INSR: variants seen among roughly 807,000 people sequenced by gnomAD.
INSR encodes the protein insulin receptor.
A neutral mutation model predicts 142.6 loss-of-function variants in INSR; 67 were observed. The observed-to-expected ratio is 0.47, with a 90% confidence interval of 0.39 to 0.58. The LOEUF (loss-of-function observed/expected upper bound fraction) is 0.58, where lower values mean the gene tolerates loss of function less well. Ranked by LOEUF, INSR falls within the 20% of genes least tolerant of loss-of-function variation. The pLI, the probability that INSR is intolerant of heterozygous loss-of-function variation, is 0.00. For missense variants in INSR, 1,248 were observed against 1,833.2 expected (o/e 0.68, Z 5.83); for synonymous variants, 756 against 743.1 (o/e 1.02, Z -0.28).
intron 2 of INSR, among the ~76,000 whole-genome samples, chr19:7,198,224 C>T (rs1467788857): frequency 6.6e-6 from 1 of 151,370 alleles, no homozygotes; most frequent in East Asian, 1.9e-4. Flanking sequence ...CGCCCTCGCG[C>T]TCAGCCAATG....
rs1974621624 is a variant in INSR, at chr19:7,192,267, G to T, written c.653-7630C>A. Among the ~76,000 whole-genome samples the T allele has an allele frequency of 3.6e-5, 2 of 55,478 alleles. No homozygotes were observed. The highest frequency in any genetic ancestry group is 2.0e-4 in the Admixed American group (1 of 4,934). 36.4% of individuals were successfully genotyped at this position (55,478 alleles called of 152,430 possible). A position where few individuals can be genotyped will look rare whatever the true frequency, so the allele number is the denominator to read the frequency against. ...AGGGAGGGAAGAAAAGAAAAGAAAA[G>T]AAAAGAAAAGAAAAGAAAAGAAAAG... is the stretch of plus-strand genomic sequence containing the variant. On this transcript the variant is annotated intron_variant, in intron 2 of 21. Coordinates refer to ENST00000302850, the MANE Select transcript of INSR (RefSeq NM_000208.4). This position sits in a 1 kb window ranked among gnomAD's most constrained non-coding sequence, Gnocchi z 4.2.
chr19:7,276,922 G>T (rs1452949080), intron 1 of INSR, among the ~76,000 whole-genome samples: 2 of 152,050 alleles, frequency 1.3e-5, no homozygotes, highest in African/African-American at 4.8e-5. Flanking sequence ...GTAGAGACAG[G>T]GTTTTGCCAA....
At chr19:7,186,024 A>G (rs1010891063) in intron 2 of INSR, among the ~76,000 whole-genome samples, 1 of 150,980 alleles carries the variant, frequency 6.6e-6, no homozygotes, top group African/African-American at 2.4e-5. Context: ...GTGAAACCCC[A>G]TCTCTACTGA....
chr19:7,142,739 T>A (rs1360031583), intron 12 of INSR, 77 bp downstream of exon 12: 2 of 1,536,634 alleles, frequency 1.3e-6, no homozygotes, highest in African/African-American at 2.7e-5. Context: ...ATGCACTGCT[T>A]AGAGGGTGGA....
chr19:7,220,764 C>T (rs1013807434), intron 2 of INSR, among the ~76,000 whole-genome samples: 6 of 152,094 alleles, frequency 3.9e-5, no homozygotes, highest in Non-Finnish European at 5.9e-5. Flanking sequence ...TGCCACACAT[C>T]GGCAATTATT....
chr19:7,229,052 T>C (rs2145120558), intron 2 of INSR, among the ~76,000 whole-genome samples: 1 of 147,606 alleles, frequency 6.8e-6, no homozygotes, highest in East Asian at 2.1e-4. Flanking sequence ...AGTGGATGTA[T>C]GGATGGATGA....
chr19:7,146,726 A>G (rs918277530), intron 11 of INSR, among the ~76,000 whole-genome samples: 1 of 152,212 alleles, frequency 6.6e-6, no homozygotes, highest in African/African-American at 2.4e-5. Context: ...ATTATTTGAC[A>G]CATATCTTTT....
At chr19:7,269,419 ACACACACTTG>A (rs1289531448) in intron 1 of INSR, among the ~76,000 whole-genome samples, 1 of 112,942 alleles carries the variant, frequency 8.9e-6, no homozygotes, top group African/African-American at 3.4e-5. Context: ...ACACACACAC[ACACACACTTG>A]CTTGCTAGGA....
In INSR at chr19:7,132,266, T is replaced by C; in HGVS notation, c.2734A>G (p.Arg912Gly). 1.2e-6 allele frequency: 2 copies of C among 1,614,188 alleles called. No individual in the cohort carries two copies. The highest frequency in any genetic ancestry group is 1.7e-6 in the Non-Finnish European group (2 of 1,180,024). ...TTCCCCGGTGACAGCCCACGCAGCCTGCAGCCCCGTTCCAGAGCGAAGTGC... is the reference window on the plus strand; with the variant it reads ...TTCCCCGGTGACAGCCCACGCAGCCCGCAGCCCCGTTCCAGAGCGAAGTGC... Reference protein sequence around the residue: ...RKHFALERGCRLRGLSPGNYS... With the variant: ...RKHFALERGCGLRGLSPGNYS... Residue 912 changes from arginine (R) to glycine (G), a missense_variant, in exon 14 of 22, where the codon AGG (arginine) becomes GGG (glycine). Arg to Gly is a moderately radical substitution (Grantham distance 125). Coordinates refer to ENST00000302850, the MANE Select transcript of INSR (RefSeq NM_000208.4).
chr19:7,244,879 T>C (rs1460548431), intron 2 of INSR, among the ~76,000 whole-genome samples: 2 of 151,900 alleles, frequency 1.3e-5, no homozygotes, highest in East Asian at 3.9e-4. Flanking sequence ...GTTATGTTTT[T>C]AATTAAATTT....
At chr19:7,283,511 C>T (rs1389128199) in intron 1 of INSR, among the ~76,000 whole-genome samples, 1 of 152,134 alleles carries the variant, frequency 6.6e-6, no homozygotes, top group African/African-American at 2.4e-5. Context: ...GCAGTCTCGG[C>T]TCACTGCAAC....
rs1434369691 is a variant in INSR, at chr19:7,166,363, C to T, written c.1652G>A (p.Cys551Tyr). The T allele has an allele frequency of 6.2e-7, 1 of 1,614,132 alleles. No individual in the cohort carries two copies. Residue 551 changes from cysteine to tyrosine, a missense_variant, in exon 8 of 22, where the codon TGT (cysteine) becomes TAT (tyrosine). Cys to Tyr is a radical substitution (Grantham distance 194, BLOSUM62 -2). This residue lies in a region of INSR where 1,069 missense variants were observed against 1,654.0 expected (regional missense o/e 0.65). Transcript: ENST00000302850. This position sits in a 1 kb window ranked among gnomAD's most constrained non-coding sequence, Gnocchi z 4.1. The stretch of plus-strand genomic sequence containing the variant: ...TACCACCGTCCAACTGTTGGAACCA[C>T]ACGCATCCTGCCCGTCGAACTCCGT... ...NVTEFDGQDA[C>Y]GSNSWTVVDI...
chr19:7,133,091 A>G (rs1383779061), intron 13 of INSR, among the ~76,000 whole-genome samples: 3 of 151,838 alleles, frequency 2.0e-5, no homozygotes, highest in Non-Finnish European at 2.9e-5. Flanking sequence ...GCCAGACCCC[A>G]TTTCCACAGA....
intron 2 of INSR, among the ~76,000 whole-genome samples, chr19:7,244,952 T>TAC (rs1568214343): frequency 2.1e-5 from 3 of 142,042 alleles, no homozygotes; most frequent in African/African-American, 8.0e-5. Context: ...TTTTTTTTTT[T>TAC]CAAGATGGAG....
chr19:7,195,894 A>G (rs1354474645), intron 2 of INSR, among the ~76,000 whole-genome samples: 3 of 151,224 alleles, frequency 2.0e-5, no homozygotes, highest in Admixed American at 6.6e-5. Flanking sequence ...CGGCACCAGT[A>G]CCATCATTAT....
intron 9 of INSR, 108 bp downstream of exon 9, chr19:7,162,924 C>T (rs1163274175): frequency 2.7e-5 from 27 of 1,016,200 alleles, no homozygotes; most frequent in African/African-American, 9.5e-5. Flanking sequence ...GTGTGCCTTC[C>T]GACACTGAGA....
At position 7,158,373 on chromosome 19, in the gene INSR, C is replaced by T. The variant is rs371009780; in HGVS notation, c.2029+4659G>A. ...AAAATTAGCCGGGCGTGGTGGCGGG[C>T]GCCTGTAGTCCCAGCTACTCGGGAG... On this transcript the variant is annotated intron_variant, in intron 9 of 21. Transcript: ENST00000302850. Among the ~76,000 whole-genome samples, 143 of 152,020 alleles carry T rather than the reference C, an allele frequency of 9.4e-4. 1 individual carries two copies. The highest frequency in any genetic ancestry group is 2.6e-3 in the African/African-American group (106 of 41,476).
At chr19:7,242,563 C>T (rs1976386854) in intron 2 of INSR, among the ~76,000 whole-genome samples, 1 of 151,520 alleles carries the variant, frequency 6.6e-6, no homozygotes. Flanking sequence ...CATGGTGAAA[C>T]CCCGTCTCTA....
chr19:7,283,509 G>A (rs181584784), intron 1 of INSR, among the ~76,000 whole-genome samples: 3 of 152,146 alleles, frequency 2.0e-5, no homozygotes, highest in African/African-American at 7.2e-5. Context: ...GTGCAGTCTC[G>A]GCTCACTGCA....
Sources: gnomAD v4.1 joint callset for allele counts (sites outside exome capture counted in the v4.1 genomes callset) on GRCh38, gnomAD v4.1.1 for gene constraint, gnomAD v4.1.1 regional missense constraint, Gnocchi (gnomAD v3.1) non-coding constraint, MANE v1.5 for transcripts, NCBI Gene and HGNC (gene_info 2026-07-23, HGNC 2026-07-21) for gene names.